Variants in CWC27 observed in about 807,000 individuals in gnomAD.
The protein encoded by CWC27 is spliceosome-associated protein CWC27 homolog.
In CWC27, 47 loss-of-function variants were observed where a neutral mutation model predicts 63.6. The observed-to-expected ratio is 0.74, with a 90% confidence interval of 0.58 to 0.94. CWC27 has a LOEUF of 0.94. Among genes scored for constraint, CWC27 ranks in the 40% least tolerant of loss-of-function variants. The pLI is 0.00. For missense variants in CWC27, 495 were observed against 554.3 expected, an observed-to-expected ratio of 0.89 and a Z score of 1.07; for synonymous variants, 175 against 179.8, an observed-to-expected ratio of 0.97 and a Z score of 0.22.
intron 1 of CWC27, 53 bp from the exon 2 acceptor site, chr5:64,774,638 A>G (rs988870878): frequency 3.4e-5 from 37 of 1,085,770 alleles, no homozygotes; most frequent in Middle Eastern, 3.1e-4. Flanking sequence ...TAGTTATTCA[A>G]CTGATTATTA....
chr5:64,851,404 A>G (rs975138956), intron 10 of CWC27, among the ~76,000 whole-genome samples: 1 of 152,170 alleles, frequency 6.6e-6, no homozygotes, highest in African/African-American at 2.4e-5. Flanking sequence ...GGTGGGAGGA[A>G]TAGGGAGACG....
intron 5 of CWC27, among the ~76,000 whole-genome samples, 191 bp from the exon 6 acceptor site, chr5:64,786,333 T>C (rs1743884250): frequency 6.6e-6 from 1 of 152,114 alleles, no homozygotes; most frequent in South Asian, 2.1e-4. Flanking sequence ...TAATAGCACA[T>C]AGGATTATTG....
chr5:64,847,371 G>A (rs960872543), intron 10 of CWC27, among the ~76,000 whole-genome samples: 3 of 152,176 alleles, frequency 2.0e-5, no homozygotes, highest in African/African-American at 4.8e-5. Flanking sequence ...TAACATTGGA[G>A]CATCTAAATA....
At chr5:64,978,126 A>G (rs1209498833) in intron 13 of CWC27, among the ~76,000 whole-genome samples, 2 of 152,252 alleles carry the variant, frequency 1.3e-5, no homozygotes, top group Non-Finnish European at 2.9e-5. Context: ...ACCAGTCAGC[A>G]AGATTTGTTG....
In CWC27 at chr5:64,784,549, CTA is replaced by C. The variant is rs373331953; in HGVS notation, c.396+574_396+575del. On this transcript the variant is annotated intron_variant, in intron 4 of 13. Coordinates refer to ENST00000381070, the MANE Select transcript of CWC27 (RefSeq NM_005869.4). ...CTTCTCCATTCTCATAAATATGTTT[CTA>C]TATGTTTTAAGTCTTAGGCATATCG... 2.3e-3 allele frequency among the ~76,000 whole-genome samples: 346 copies of C among 152,192 alleles called. 1 individual carries two copies. The highest frequency in any genetic ancestry group is 8.0e-3 in the African/African-American group (332 of 41,524).
At chr5:64,941,344 C>A (rs1748475084) in intron 11 of CWC27, among the ~76,000 whole-genome samples, 1 of 152,140 alleles carries the variant, frequency 6.6e-6, no homozygotes, top group Non-Finnish European at 1.5e-5. Context: ...AGTACAGTAC[C>A]ATACTGCAGG....
intron 2 of CWC27, among the ~76,000 whole-genome samples, chr5:64,778,549 G>C (rs920124083): frequency 2.6e-5 from 4 of 152,122 alleles, no homozygotes; most frequent in Non-Finnish European, 5.9e-5. Context: ...ATATTAGTTT[G>C]ACCTCACATT....
intron 11 of CWC27, among the ~76,000 whole-genome samples, chr5:64,928,130 G>A (rs1264884580): frequency 6.6e-6 from 1 of 151,734 alleles, no homozygotes; most frequent in East Asian, 1.9e-4. Context: ...ACTTCAGCCT[G>A]GGTGATAAGA....
At chr5:64,866,854 GA>G (rs1196370373) in intron 10 of CWC27, among the ~76,000 whole-genome samples, 1 of 151,982 alleles carries the variant, frequency 6.6e-6, no homozygotes, top group African/African-American at 2.4e-5. Flanking sequence ...CATTTGAGAA[GA>G]ATGTATATTC....
At chr5:64,894,671 C>A (rs962888603) in intron 11 of CWC27, among the ~76,000 whole-genome samples, 1 of 152,108 alleles carries the variant, frequency 6.6e-6, no homozygotes, top group Non-Finnish European at 1.5e-5. Context: ...ACAAAAATAT[C>A]TTTTGATATG....
At chr5:64,808,185 T>A (rs1029981020) in intron 10 of CWC27, 31 of 999,408 alleles carry the variant, frequency 3.1e-5, no homozygotes, top group Non-Finnish European at 3.7e-5. Context: ...AATTAGAATC[T>A]GCATTCTAAC....
intron 13 of CWC27, among the ~76,000 whole-genome samples, chr5:64,987,083 T>C (rs1749449286): frequency 6.6e-6 from 1 of 151,858 alleles, no homozygotes; most frequent in Non-Finnish European, 1.5e-5. Flanking sequence ...TTTTTATTTT[T>C]TTATTATTAT....
chr5:64,827,779 A>G (rs1745402579), intron 10 of CWC27, among the ~76,000 whole-genome samples: 1 of 152,260 alleles, frequency 6.6e-6, no homozygotes, highest in African/African-American at 2.4e-5. Context: ...TTTGCTTTCC[A>G]TAGTTTTGAT....
chr5:64,900,392 AT>A (rs1023029649), intron 11 of CWC27, among the ~76,000 whole-genome samples: 2 of 151,986 alleles, frequency 1.3e-5, no homozygotes, highest in Admixed American at 6.6e-5. Flanking sequence ...CTTTTTATCC[AT>A]TTTTTATTGT....
chr5:64,836,269 T>C (rs1033120456), intron 10 of CWC27, among the ~76,000 whole-genome samples: 1 of 151,968 alleles, frequency 6.6e-6, no homozygotes, highest in Non-Finnish European at 1.5e-5. Flanking sequence ...TGAGGTAACC[T>C]AATGTTCATT....
intron 11 of CWC27, among the ~76,000 whole-genome samples, chr5:64,961,444 CTAATA>C (rs779077187): frequency 6.6e-6 from 1 of 151,944 alleles, no homozygotes; most frequent in Non-Finnish European, 1.5e-5. Context: ...TCATACATAA[CTAATA>C]TATTTTTTTA....
intron 10 of CWC27, among the ~76,000 whole-genome samples, chr5:64,856,620 A>T (rs1025601031): frequency 2.0e-5 from 3 of 152,078 alleles, no homozygotes; most frequent in Non-Finnish European, 4.4e-5. Flanking sequence ...TTGTAAACAT[A>T]ATTTCACAAA....
At chr5:64,926,965 A>G (rs1214067368) in intron 11 of CWC27, among the ~76,000 whole-genome samples, 3 of 152,246 alleles carry the variant, frequency 2.0e-5, no homozygotes, top group Non-Finnish European at 4.4e-5. Flanking sequence ...TTCTTTAAAT[A>G]GTTATTATCA....
intron 13 of CWC27, among the ~76,000 whole-genome samples, chr5:64,997,515 T>C (rs1749655077): frequency 6.6e-6 from 1 of 152,198 alleles, no homozygotes; most frequent in Non-Finnish European, 1.5e-5. Context: ...GATCAGATGA[T>C]TACAATATAT....
Sources: gnomAD v4.1 joint callset for allele counts (sites outside exome capture counted in the v4.1 genomes callset) on GRCh38, gnomAD v4.1.1 for gene constraint, MANE v1.5 for transcripts, NCBI Gene and HGNC (gene_info 2026-07-23, HGNC 2026-07-21) for gene names.